Variants in SPSB4 observed in about 807,000 individuals in gnomAD.
The protein encoded by SPSB4 is splA/ryanodine receptor domain and SOCS box containing 4.
A neutral mutation model predicts 20.9 loss-of-function variants in SPSB4; 21 were observed. The ratio of observed to expected loss-of-function variants is 1.01; its 90% CI spans 0.71 to 1.45. The LOEUF (loss-of-function observed/expected upper bound fraction) is 1.45. SPSB4 is among the 40% of genes most tolerant of loss of function. The pLI, the probability that SPSB4 is intolerant of heterozygous loss-of-function variation, is 0.00. For missense variants in SPSB4, 399 were observed against 399.2 expected, an observed-to-expected ratio of 1.00 and a Z score of 0.00; for synonymous variants, 207 against 183.8, an observed-to-expected ratio of 1.13 and a Z score of -1.02.
At chr3:141,103,380 C>T (rs1197242010) in intron 2 of SPSB4, among the ~76,000 whole-genome samples, 1 of 152,168 alleles carries the variant, frequency 6.6e-6, no homozygotes, top group Non-Finnish European at 1.5e-5. Context: ...AAGAGCTTCC[C>T]ATCCAGCTCA....
chr3:141,071,455 G>A (rs1938000706), intron 2 of SPSB4, among the ~76,000 whole-genome samples: 1 of 150,454 alleles, frequency 6.6e-6, no homozygotes, highest in South Asian at 2.1e-4. Context: ...TCCATGTTCT[G>A]TGCCCTGGGC....
At chr3:141,071,246 G>A (rs1937996409) in intron 2 of SPSB4, among the ~76,000 whole-genome samples, 1 of 152,186 alleles carries the variant, frequency 6.6e-6, no homozygotes, top group Admixed American at 6.5e-5. Context: ...TTGCTCCGTG[G>A]CTCCCCAGCT....
intron 2 of SPSB4, among the ~76,000 whole-genome samples, chr3:141,108,075 G>A (rs1398518872): frequency 6.6e-6 from 1 of 152,118 alleles, no homozygotes; most frequent in Non-Finnish European, 1.5e-5. Context: ...GGGCCTTAGG[G>A]ACTCTGGTGC....
At position 141,146,909 on chromosome 3, in the gene SPSB4, C is replaced by T. The variant is rs183868745; in HGVS notation, c.695-233C>T. Among the ~76,000 whole-genome samples the T allele has an allele frequency of 5.9e-3, 892 of 152,194 alleles. 6 individuals carry two copies. Among genetic ancestry groups the T allele is most frequent in the South Asian group, 0.02 (98 of 4,814 alleles). ...TAAAAAAAATTATGGCTGGTCACCACCCATTGAATTGATTTTGTGACTCTT... is the reference window on the plus strand; with the variant it reads ...TAAAAAAAATTATGGCTGGTCACCATCCATTGAATTGATTTTGTGACTCTT... On this transcript the variant is annotated intron_variant, in intron 2 of 2. Coordinates refer to ENST00000310546, the MANE Select transcript of SPSB4 (RefSeq NM_080862.3).
At chr3:141,056,066 T>C (rs1028448478) in intron 1 of SPSB4, among the ~76,000 whole-genome samples, 3 of 152,204 alleles carry the variant, frequency 2.0e-5, no homozygotes. Context: ...GGGTGCCCCA[T>C]TGATGGGGTA....
chr3:141,073,463 G>T (rs1327842464), intron 2 of SPSB4, among the ~76,000 whole-genome samples: 1 of 152,186 alleles, frequency 6.6e-6, no homozygotes, highest in Non-Finnish European at 1.5e-5. Flanking sequence ...GTCTAATTCA[G>T]CCAGTCCTTA....
intron 2 of SPSB4, among the ~76,000 whole-genome samples, chr3:141,078,558 C>G (rs59487643): frequency 6.6e-6 from 1 of 152,338 alleles, no homozygotes; most frequent in East Asian, 1.9e-4. Flanking sequence ...AGATCCTTTC[C>G]ATCAACTCTG....
At chr3:141,086,899 C>T (rs189824949) in intron 2 of SPSB4, among the ~76,000 whole-genome samples, 1 of 152,260 alleles carries the variant, frequency 6.6e-6, no homozygotes, top group African/African-American at 2.4e-5. Context: ...GGTCACGTAG[C>T]TGGTAAGAAA....
At chr3:141,126,349 C>T (rs1939050241) in intron 2 of SPSB4, among the ~76,000 whole-genome samples, 1 of 152,116 alleles carries the variant, frequency 6.6e-6, no homozygotes, top group Non-Finnish European at 1.5e-5. Context: ...ATCCCTGAGG[C>T]CCTGGGCTCA....
intron 2 of SPSB4, among the ~76,000 whole-genome samples, chr3:141,081,785 G>A (rs763439241): frequency 1.1e-4 from 16 of 152,162 alleles, no homozygotes; most frequent in Non-Finnish European, 2.2e-4. Flanking sequence ...AAGAAAGAGG[G>A]CTGTTATGGA....
At chr3:141,109,965 A>T (rs923963532) in intron 2 of SPSB4, among the ~76,000 whole-genome samples, 1 of 152,178 alleles carries the variant, frequency 6.6e-6, no homozygotes, top group African/African-American at 2.4e-5. Context: ...CATCGCAGAG[A>T]ATCTCCGCCC....
chr3:141,118,101 C>CTAA (rs1179043936), intron 2 of SPSB4, among the ~76,000 whole-genome samples: 2 of 152,240 alleles, frequency 1.3e-5, no homozygotes, highest in Non-Finnish European at 2.9e-5. Flanking sequence ...AATGGTTGAA[C>CTAA]TAATTTACAC....
intron 2 of SPSB4, among the ~76,000 whole-genome samples, chr3:141,073,098 T>C (rs1044907655): frequency 7.9e-5 from 12 of 152,242 alleles, no homozygotes; most frequent in Non-Finnish European, 1.3e-4. Context: ...TTGATCCCAA[T>C]TGAAATTTCC....
At chr3:141,065,768 TAAAC>T (rs892147607) in intron 1 of SPSB4, among the ~76,000 whole-genome samples, 180 bp from the exon 2 acceptor site, 1 of 152,226 alleles carries the variant, frequency 6.6e-6, no homozygotes, top group Admixed American at 6.5e-5. Context: ...AACAAACTAA[TAAAC>T]ATAAATAATT....
chr3:141,091,793 C>G (rs1399565646), intron 2 of SPSB4, among the ~76,000 whole-genome samples: 1 of 152,210 alleles, frequency 6.6e-6, no homozygotes, highest in Admixed American at 6.5e-5. Flanking sequence ...CAGGTGGTAC[C>G]AGGGGCCCGG....
At chr3:141,112,374 G>A (rs926377903) in intron 2 of SPSB4, among the ~76,000 whole-genome samples, 6 of 152,074 alleles carry the variant, frequency 3.9e-5, no homozygotes, top group Admixed American at 6.5e-5. Context: ...GGCCGGGCGC[G>A]GTGGCTCACG....
intron 2 of SPSB4, among the ~76,000 whole-genome samples, chr3:141,135,393 C>T (rs1417153947): frequency 7.3e-5 from 11 of 150,630 alleles, no homozygotes; most frequent in Admixed American, 4.0e-4. Context: ...ATGTGCACAA[C>T]GTGCAGGTTT....
At chr3:141,097,641 G>GGA (rs1384146459) in intron 2 of SPSB4, among the ~76,000 whole-genome samples, 2 of 151,986 alleles carry the variant, frequency 1.3e-5, no homozygotes, top group East Asian at 3.9e-4. Flanking sequence ...CTCTCACAGA[G>GGA]GAGAGAGACT....
At chr3:141,083,342 T>C (rs767845477) in intron 2 of SPSB4, among the ~76,000 whole-genome samples, 1 of 152,116 alleles carries the variant, frequency 6.6e-6, no homozygotes, top group Non-Finnish European at 1.5e-5. Flanking sequence ...CACTGTTGTC[T>C]CCACACTGCC....
Sources: allele counts gnomAD v4.1 joint callset (sites outside exome capture counted in the v4.1 genomes callset), GRCh38; gene constraint gnomAD v4.1.1; transcripts MANE v1.5; gene names NCBI Gene and HGNC (gene_info 2026-07-23, HGNC 2026-07-21).